The following PPP2R3B variants were observed in gnomAD, a reference collection of about 807,000 sequenced individuals.
PPP2R3B encodes protein phosphatase 2 regulatory subunit B''beta, also known as serine/threonine-protein phosphatase 2A regulatory subunit B'' subunit beta.
PPP2R3B carries 68 observed loss-of-function variants against 72.9 expected under a neutral mutation model. That is an observed-to-expected ratio of 0.93 (90% CI 0.77 to 1.14). The LOEUF (loss-of-function observed/expected upper bound fraction) is 1.14, where lower values mean the gene tolerates loss of function less well. Ranked by LOEUF, PPP2R3B falls within the 50% of genes most tolerant of loss-of-function variation. The probability of loss-of-function intolerance (pLI) is 0.00; values close to 1 mark genes in which losing one functional copy is unlikely to be tolerated. For missense variants in PPP2R3B, 1,018 were observed against 842.0 expected, an observed-to-expected ratio of 1.21 and a Z score of -2.59; for synonymous variants, 466 against 375.8, an observed-to-expected ratio of 1.24 and a Z score of -2.78.
chrX:350,070 G>A (rs1204735961), intron 2 of PPP2R3B, among the ~76,000 whole-genome samples: 2 of 152,210 alleles, frequency 1.3e-5, no homozygotes, highest in African/African-American at 2.4e-5. Flanking sequence ...GGACCAAGTT[G>A]GTGGATATGA....
chrX:334,225 A>C lies in PPP2R3B; in HGVS notation c.*142T>G. 9.4e-7 allele frequency: 1 copy of C among 1,059,298 alleles called. No individual in the cohort carries two copies. Among genetic ancestry groups the C allele is most frequent in the Non-Finnish European group, 1.3e-6 (1 of 797,626 alleles). The allele number at this position is 1,059,298 out of a possible 1,614,324, so 65.6% of individuals were successfully genotyped here. On this transcript the variant is annotated 3_prime_UTR_variant, in exon 13 of 13. Transcript: ENST00000390665. ...GTCCAGCCACGAACCCACAGCGGCA[A>C]TCAACACGCTTCTGTGAATAAATAA...
At chrX:357,841 AGAG>A (rs2071466439) in intron 2 of PPP2R3B, among the ~76,000 whole-genome samples, 1 of 152,172 alleles carries the variant, frequency 6.6e-6, no homozygotes, top group South Asian at 2.1e-4. Flanking sequence ...GAGAAAACAC[AGAG>A]GAGTGACAAT....
At position 334,485 on chromosome X, in the gene PPP2R3B, T is replaced by A; in HGVS notation, c.1610A>T (p.Lys537Met). ...CAGCGGGGAGCGCAGCGCACTCAGC[T>A]TCTGCTCCACAGGGCTGAGCTCGGC... ...FEAELSPVEQ[K>M]LSALRSPLAQ... The change falls in exon 13 of 13, where the codon AAG becomes ATG. Residue 537 changes from lysine (K) to methionine (M), a missense_variant. By Grantham distance (95) the Lys-to-Met change is moderately conservative (BLOSUM62 -1). Transcript: ENST00000390665. 3 of 1,586,106 alleles carry A rather than the reference T, an allele frequency of 1.9e-6. No homozygotes were observed. Among genetic ancestry groups the A allele is most frequent in the Non-Finnish European group, 2.6e-6 (3 of 1,172,996 alleles).
chrX:379,167 CTG>C (rs1462947993), intron 1 of PPP2R3B, among the ~76,000 whole-genome samples: 4 of 143,890 alleles, frequency 2.8e-5, no homozygotes, highest in Non-Finnish European at 4.5e-5. Flanking sequence ...GTGCATGTAC[CTG>C]TGTGTATGGA....
chrX:373,497 C>T lies in PPP2R3B; in HGVS notation c.325-11907G>A, dbSNP rs752218494. On this transcript the variant is annotated intron_variant, in intron 1 of 12. Transcript: ENST00000390665. ...GCTCGCCGGGCCGGGAGGCCTCGCC[C>T]GGTGTCGGGCAGCCGCGGGGCGCGC... 5.1e-5 allele frequency: 8 copies of T among 155,958 alleles called. No individual in the cohort carries two copies. The South Asian group carries it at 1.2e-3, about 23-fold the overall frequency. The allele number at this position is 155,958 out of a possible 1,614,324, so 9.7% of individuals were successfully genotyped here.
intron 1 of PPP2R3B, among the ~76,000 whole-genome samples, chrX:364,103 C>T (rs769941533): frequency 6.6e-6 from 1 of 152,346 alleles, no homozygotes; most frequent in African/African-American, 2.4e-5. Context: ...AGCGGGCTCA[C>T]CCGAAATCTC....
intron 2 of PPP2R3B, among the ~76,000 whole-genome samples, chrX:353,937 C>A (rs2071384258): frequency 6.7e-6 from 1 of 148,436 alleles, no homozygotes; most frequent in Non-Finnish European, 1.5e-5. Context: ...ACCGGGGGCT[C>A]ACCCAGGGAG....
chrX:377,740 G>A (rs2072029076), intron 1 of PPP2R3B, among the ~76,000 whole-genome samples: 1 of 129,882 alleles, frequency 7.7e-6, no homozygotes, highest in Non-Finnish European at 1.6e-5. Context: ...ACCCAGTGGG[G>A]CCACCATGGG....
chrX:339,273 G>GGC (rs1556105578), intron 10 of PPP2R3B, among the ~76,000 whole-genome samples: 2 of 9,596 alleles, frequency 2.1e-4, no homozygotes, highest in African/African-American at 6.3e-4. Flanking sequence ...CCCCATGGCC[G>GGC]GGGGGGGCAG....
chrX:341,090 G>A (rs1484816959), intron 9 of PPP2R3B, 150 bp from the exon 10 acceptor site: 95 of 1,199,010 alleles, frequency 7.9e-5, no homozygotes, highest in Non-Finnish European at 9.6e-5. Context: ...GCCCCCTGCC[G>A]CCCCCACCGG....
At chrX:341,493 C>CCCG (rs2071074559) in intron 8 of PPP2R3B, 97 bp from the exon 9 acceptor site, 1 of 1,318,130 alleles carries the variant, frequency 7.6e-7, no homozygotes, top group Non-Finnish European at 1.1e-6. Flanking sequence ...AGGGGAGCCC[C>CCCG]CCGGGCCCGG....
rs1489104956 is a variant in PPP2R3B, at chrX:347,540, G to C, written c.614+50C>G. On this transcript the variant is annotated intron_variant, in intron 3 of 12. Transcript: ENST00000390665. ...CCCGTCCTGGCACCACGGGGACCCG[G>C]GGACGCCTCCGCCCTCCCGACACAG... The C allele has an allele frequency of 2.0e-6, 3 of 1,530,598 alleles. No homozygotes were observed. In the Admixed American group the frequency reaches 6.1e-5, roughly 31 times the overall value. The allele number at this position is 1,530,598 out of a possible 1,614,324, so 94.8% of individuals were successfully genotyped here. A position where few individuals can be genotyped will look rare whatever the true frequency, so the allele number is the denominator to read the frequency against.
chrX:338,966 G>C, intron 10 of PPP2R3B, 70 bp from the exon 11 acceptor site: 1 of 1,290,856 alleles, frequency 7.7e-7, no homozygotes, highest in Non-Finnish European at 1.1e-6. Flanking sequence ...TGTGGGGTGC[G>C]CGCGTCCTGT....
At chrX:344,825 C>G in intron 7 of PPP2R3B, 1 of 297,704 alleles carries the variant, frequency 3.4e-6, no homozygotes, top group Admixed American at 4.8e-5. Flanking sequence ...GAGACGCAGA[C>G]GGGTGCAGCT....
At chrX:351,568 T>C (rs1419680612) in intron 2 of PPP2R3B, among the ~76,000 whole-genome samples, 1 of 146,934 alleles carries the variant, frequency 6.8e-6, no homozygotes, top group African/African-American at 2.5e-5. Flanking sequence ...CGAGACACGG[T>C]CTTGCTGTTG....
At chrX:376,270 A>C (rs760020912) in intron 1 of PPP2R3B, among the ~76,000 whole-genome samples, 1 of 150,228 alleles carries the variant, frequency 6.7e-6, no homozygotes, top group East Asian at 2.0e-4. Flanking sequence ...AGAGATTTAG[A>C]CTCTGACCTG....
intron 1 of PPP2R3B, among the ~76,000 whole-genome samples, chrX:363,575 C>T (rs747033118): frequency 1.4e-5 from 2 of 148,056 alleles, no homozygotes; most frequent in Non-Finnish European, 3.0e-5. Flanking sequence ...CATGAGTCCA[C>T]GATCCCACAA....
In PPP2R3B at chrX:340,834, C is replaced by A. The variant is rs748009585; in HGVS notation, c.1282G>T (p.Ala428Ser). 2 of 1,611,654 alleles carry A rather than the reference C, an allele frequency of 1.2e-6. No individual in the cohort carries two copies. Among genetic ancestry groups the A allele is most frequent in the Admixed American group, 1.7e-5 (1 of 59,964 alleles). ...EEQCRRLDSM[A>S]IEALPFQDCL... is the part of the protein sequence containing the mutation. ...TCCTGGAAGGGCAGGGCCTCGATGG[C>A]CATGCTGTCCAGCCTTCGGCACTGC... is the stretch of plus-strand genomic sequence containing the variant. The change falls in exon 10 of 13, where the codon GCC (alanine) becomes TCC (serine). Residue 428 changes from alanine to serine, a missense_variant. Coordinates refer to ENST00000390665, the MANE Select transcript of PPP2R3B (RefSeq NM_013239.5).
At chrX:349,484 G>A (rs1245792991) in intron 2 of PPP2R3B, among the ~76,000 whole-genome samples, 1 of 152,208 alleles carries the variant, frequency 6.6e-6, no homozygotes, top group Non-Finnish European at 1.5e-5. Context: ...CAAGAGGACA[G>A]TGTCACCACC....
Sources: gnomAD v4.1 joint callset for allele counts (sites outside exome capture counted in the v4.1 genomes callset) on GRCh38, gnomAD v4.1.1 for gene constraint, MANE v1.5 for transcripts, NCBI Gene and HGNC (gene_info 2026-07-23, HGNC 2026-07-21) for gene names.